LRP1B: variants seen among roughly 807,000 people sequenced by gnomAD.
LRP1B encodes low-density lipoprotein receptor-related protein 1B.
LRP1B carries 217 observed loss-of-function variants against 556.6 expected under a neutral mutation model. The ratio of observed to expected loss-of-function variants is 0.39; its 90% CI spans 0.35 to 0.44. The LOEUF is 0.44. Among genes scored for constraint, LRP1B ranks in the 20% least tolerant of loss-of-function variants. LRP1B has a pLI of 1.00. For missense variants in LRP1B, 5,053 were observed against 5,620.8 expected, an observed-to-expected ratio of 0.90 and a Z score of 3.23; for synonymous variants, 2,047 against 1,865.8, an observed-to-expected ratio of 1.10 and a Z score of -2.50.
At chr2:142,002,005 A>G (rs895578524) in intron 1 of LRP1B, among the ~76,000 whole-genome samples, 11 of 152,206 alleles carry the variant, frequency 7.2e-5, no homozygotes, top group Non-Finnish European at 7.3e-5. Context: ...CAAAAGGAAG[A>G]GAACATTAAT....
Position 140,886,342 on chromosome 2 carries a change from T to TTAAAAA in LRP1B, c.3767-8_3767-7insTTTTTA. 1.3e-6 allele frequency: 2 copies of TTAAAAA among 1,498,996 alleles called. No homozygotes were observed. Among genetic ancestry groups the TTAAAAA allele is most frequent in the Non-Finnish European group, 1.8e-6 (2 of 1,104,754 alleles). The allele number at this position is 1,498,996 out of a possible 1,614,324, so 92.9% of individuals were successfully genotyped here. A position where few individuals can be genotyped will look rare whatever the true frequency, so the allele number is the denominator to read the frequency against. ...ATGAATGCTTCAAAAGGATCTGAAATTAAATTTATTTTTAATAGGCTTATG... is the reference window on the plus strand; with the variant it reads ...ATGAATGCTTCAAAAGGATCTGAAATTAAAAATAAATTTATTTTTAATAGGCTTATG... On this transcript the variant is annotated splice_polypyrimidine_tract_variant and splice_region_variant and intron_variant, in intron 23 of 90. Coordinates refer to ENST00000389484, the MANE Select transcript of LRP1B (RefSeq NM_018557.3).
At chr2:141,243,929 C>T (rs917137613) in intron 5 of LRP1B, among the ~76,000 whole-genome samples, 8 of 152,128 alleles carry the variant, frequency 5.3e-5, no homozygotes, top group African/African-American at 1.9e-4. Context: ...CTTAAAGATG[C>T]TCTTAAGGCT....
At chr2:140,289,262 C>G (rs1218688800) in intron 84 of LRP1B, among the ~76,000 whole-genome samples, 1 of 151,914 alleles carries the variant, frequency 6.6e-6, no homozygotes, top group East Asian at 1.9e-4. Context: ...AAGTCCATTT[C>G]TGATCTTTTA....
intron 31 of LRP1B, among the ~76,000 whole-genome samples, chr2:140,835,412 A>G (rs1015438148): frequency 2.6e-5 from 4 of 152,208 alleles, no homozygotes; most frequent in Admixed American, 1.3e-4. Flanking sequence ...CTGCATAAAG[A>G]CAACCTTCAC....
intron 1 of LRP1B, among the ~76,000 whole-genome samples, chr2:142,086,379 G>A (rs1297707943): frequency 6.6e-6 from 1 of 152,192 alleles, no homozygotes; most frequent in Non-Finnish European, 1.5e-5. Context: ...GGAGGCCGAG[G>A]TGGACGGATC....
At chr2:141,510,140 G>A (rs1684069283) in intron 2 of LRP1B, among the ~76,000 whole-genome samples, 1 of 150,538 alleles carries the variant, frequency 6.6e-6, no homozygotes, top group Admixed American at 6.7e-5. Context: ...ATGAATTCAT[G>A]TTAGAAAATT....
intron 20 of LRP1B, among the ~76,000 whole-genome samples, chr2:140,936,948 T>G (rs956251974): frequency 6.6e-6 from 1 of 152,104 alleles, no homozygotes; most frequent in African/African-American, 2.4e-5. Flanking sequence ...TTTTGTGACA[T>G]CAATAACTGA....
chr2:142,024,562 T>C (rs1703442959), intron 1 of LRP1B, among the ~76,000 whole-genome samples: 1 of 152,050 alleles, frequency 6.6e-6, no homozygotes, highest in South Asian at 2.1e-4. Context: ...CTAGAACTTC[T>C]TTCTAGCAAC....
At chr2:140,697,074 C>T (rs943654163) in intron 41 of LRP1B, among the ~76,000 whole-genome samples, 5 of 151,974 alleles carry the variant, frequency 3.3e-5, no homozygotes, top group African/African-American at 1.2e-4. Flanking sequence ...TGATTTGAAC[C>T]CTGGGCTCGA....
At chr2:141,360,865 T>C (rs981087242) in intron 3 of LRP1B, among the ~76,000 whole-genome samples, 4 of 152,186 alleles carry the variant, frequency 2.6e-5, no homozygotes, top group African/African-American at 9.6e-5. Flanking sequence ...CATATAAATA[T>C]ATAGCACATT....
At chr2:141,968,594 G>C (rs1701630252) in intron 1 of LRP1B, among the ~76,000 whole-genome samples, 2 of 151,394 alleles carry the variant, frequency 1.3e-5, no homozygotes, top group South Asian at 4.2e-4. Flanking sequence ...TAAGCACAGA[G>C]TACACATGAA....
At chr2:140,730,636 T>G (rs946284884) in intron 35 of LRP1B, among the ~76,000 whole-genome samples, 3 of 152,146 alleles carry the variant, frequency 2.0e-5, no homozygotes, top group Non-Finnish European at 2.9e-5. Context: ...CTCGGCTCAC[T>G]GCAACCTCTG....
chr2:141,015,150 A>G lies in LRP1B; in HGVS notation c.2190+546T>C, dbSNP rs62173661. Among the ~76,000 whole-genome samples the G allele has an allele frequency of 4.5e-3, 692 of 152,158 alleles. 3 individuals carry two copies. The highest frequency in any genetic ancestry group is 7.2e-3 in the Non-Finnish European group (492 of 67,980). On this transcript the variant is annotated intron_variant, in intron 13 of 90. Coordinates refer to ENST00000389484, the MANE Select transcript of LRP1B (RefSeq NM_018557.3). ...CCTCTGTCTCACAGCCAACTGCATC[A>G]TCCTCAATTTTACCTAAGAATTTCA... is the stretch of plus-strand genomic sequence containing the variant.
At chr2:140,487,204 T>C (rs1008648862) in intron 58 of LRP1B, among the ~76,000 whole-genome samples, 13 of 151,868 alleles carry the variant, frequency 8.6e-5, no homozygotes, top group African/African-American at 3.1e-4. Flanking sequence ...CTGTAATTGT[T>C]CAGTTTTAAC....
At chr2:140,332,259 CACAATTCTTACCTTTTGCAAAAACT>C (rs1244498172) in intron 79 of LRP1B, among the ~76,000 whole-genome samples, 8 of 152,152 alleles carry the variant, frequency 5.3e-5, no homozygotes, top group Non-Finnish European at 1.0e-4. Flanking sequence ...ACGACAATGA[CACAATTCTTACCTTTTGCAAAAACT>C]ACAATTCTGC....
At chr2:141,079,397 A>G (rs920140698) in intron 7 of LRP1B, among the ~76,000 whole-genome samples, 1 of 152,216 alleles carries the variant, frequency 6.6e-6, no homozygotes, top group Admixed American at 6.5e-5. Context: ...AGAGACTGTG[A>G]AAGGTTAATT....
chr2:141,384,295 A>G (rs1278835897), intron 3 of LRP1B, among the ~76,000 whole-genome samples: 2 of 152,268 alleles, frequency 1.3e-5, no homozygotes, highest in Admixed American at 6.5e-5. Flanking sequence ...GGAGCCATAT[A>G]AAGAAATAAA....
At chr2:142,032,437 A>G (rs1219841731) in intron 1 of LRP1B, among the ~76,000 whole-genome samples, 4 of 151,758 alleles carry the variant, frequency 2.6e-5, no homozygotes, top group Admixed American at 2.6e-4. Context: ...AAGTTTTTCC[A>G]TATTTAGAAG....
At chr2:142,022,624 T>G in intron 1 of LRP1B, among the ~76,000 whole-genome samples, 1 of 152,046 alleles carries the variant, frequency 6.6e-6, no homozygotes. Flanking sequence ...ACAAATCTCA[T>G]TACTTTTATT....
Sources: allele counts gnomAD v4.1 joint callset (sites outside exome capture counted in the v4.1 genomes callset), GRCh38; gene constraint gnomAD v4.1.1; transcripts MANE v1.5; gene names NCBI Gene and HGNC (gene_info 2026-07-23, HGNC 2026-07-21).